BABAM1: variants seen among roughly 807,000 people sequenced by gnomAD.
BABAM1 encodes BRISC and BRCA1 A complex member 1, also known as BRISC and BRCA1-A complex member 1.
A neutral mutation model predicts 34.4 loss-of-function variants in BABAM1; 14 were observed. The ratio of observed to expected loss-of-function variants is 0.41; its 90% CI spans 0.27 to 0.64. BABAM1 has a LOEUF of 0.64. Among genes scored for constraint, BABAM1 ranks in the 30% least tolerant of loss-of-function variants. BABAM1 has a pLI of 0.34. For missense variants in BABAM1, 393 were observed against 434.0 expected (o/e 0.91, Z 0.84); for synonymous variants, 169 against 165.8 (o/e 1.02, Z -0.15).
intron 8 of BABAM1, 45 bp downstream of exon 8, chr19:17,276,954 G>C (rs761679995): frequency 6.6e-7 from 1 of 1,518,716 alleles, no homozygotes; most frequent in Non-Finnish European, 8.9e-7. Flanking sequence ...GTGTGGACAG[G>C]ATGTCTTGGA....
At chr19:17,278,508 A>G (rs1319195640) in intron 8 of BABAM1, among the ~76,000 whole-genome samples, 2 of 151,766 alleles carry the variant, frequency 1.3e-5, no homozygotes, top group African/African-American at 4.8e-5. Flanking sequence ...ACGGGGTTTC[A>G]CTGTGTTAGC....
intron 5 of BABAM1, 146 bp from the exon 6 acceptor site, chr19:17,275,655 G>T (rs74758437): frequency 0.086 from 79,765 of 923,210 alleles, 4,169 homozygotes; most frequent in Non-Finnish European, 0.11. Context: ...AGGGGAATTT[G>T]TGTGTCAGAG....
intron 8 of BABAM1, 97 bp from the exon 9 acceptor site, chr19:17,278,748 A>G: frequency 8.2e-7 from 1 of 1,218,608 alleles, no homozygotes; most frequent in East Asian, 2.5e-5. Context: ...CCCACCCCAG[A>G]TGTCCCCTCT....
In BABAM1 at chr19:17,269,078, G is replaced by C; in HGVS notation, c.272G>C (p.Cys91Ser). ...EVQIRTPRVN[C>S]PEKVIICLDL... ...CAAATTCGGACACCAAGGGTCAACT[G>C]TCCAGAGAAAGTGGTAAGTAGAGGG... is the stretch of plus-strand genomic sequence containing the variant. Residue 91 changes from cysteine (C) to serine (S), a missense_variant, in exon 2 of 9, where the codon TGT becomes TCT. Cys to Ser is a moderately radical substitution (Grantham distance 112). Coordinates refer to ENST00000598188, the MANE Select transcript of BABAM1 (RefSeq NM_014173.4). The C allele has an allele frequency of 6.2e-7, 1 of 1,605,830 alleles. No homozygotes were observed. Among genetic ancestry groups the C allele is most frequent in the Non-Finnish European group, 8.5e-7 (1 of 1,176,156 alleles).
chr19:17,271,291 A>C (rs1177568358), intron 2 of BABAM1, among the ~76,000 whole-genome samples: 7 of 152,262 alleles, frequency 4.6e-5, no homozygotes, highest in Admixed American at 2.0e-4. Context: ...TGCCAGGCCA[A>C]ATAAGGTCAC....
At position 17,268,780 on chromosome 19, in the gene BABAM1, C is replaced by T. The variant is rs778959392; in HGVS notation, c.-13-14C>T. 19 of 1,570,722 alleles carry T rather than the reference C, an allele frequency of 1.2e-5. No homozygotes were observed. The highest frequency in any genetic ancestry group is 1.5e-5 in the Non-Finnish European group (17 of 1,157,514). ...GGGGAGGATTCTGGCTTCCCCTGTC[C>T]GTGTTCCATCTAGCCACACAGGAGC... On this transcript the variant is annotated splice_polypyrimidine_tract_variant and intron_variant, in intron 1 of 8. Transcript: ENST00000598188.
At chr19:17,269,238 AATT>A in intron 2 of BABAM1, 147 bp downstream of exon 2, 1 of 1,093,514 alleles carries the variant, frequency 9.1e-7, no homozygotes, top group Non-Finnish European at 1.3e-6. Context: ...CAACAAGAGA[AATT>A]TATTCTCTCA....
chr19:17,274,706 T>G (rs973891008), intron 5 of BABAM1: 2 of 156,150 alleles, frequency 1.3e-5, no homozygotes, highest in Non-Finnish European at 2.8e-5. Flanking sequence ...AGTGTCACCA[T>G]TGTTCCTACA....
intron 2 of BABAM1, among the ~76,000 whole-genome samples, chr19:17,269,653 T>G (rs1479544160): frequency 2.6e-5 from 4 of 152,076 alleles, no homozygotes; most frequent in Non-Finnish European, 4.4e-5. Flanking sequence ...GCCTGACCCT[T>G]TCTTGCCTTT....
Position 17,267,532 on chromosome 19 carries a change from G to A in BABAM1, c.-14+5G>A, listed in dbSNP as rs1353212353. 6.6e-6 allele frequency: 1 copy of A among 152,224 alleles called. No individual in the cohort carries two copies. Among genetic ancestry groups the A allele is most frequent in the South Asian group, 2.1e-4 (1 of 4,830 alleles). 9.4% of individuals were successfully genotyped at this position (152,224 alleles called of 1,614,324 possible). On this transcript the variant is annotated splice_donor_5th_base_variant and intron_variant, in intron 1 of 8. Coordinates refer to ENST00000598188, the MANE Select transcript of BABAM1 (RefSeq NM_014173.4). ...TCAGGCTACGGTGAGCCGAAGGTGG[G>A]TGGTGAAAGCGTGTGGGGCCCGTTC...
At chr19:17,275,958 T>C in intron 6 of BABAM1, 133 bp downstream of exon 6, 1 of 993,626 alleles carries the variant, frequency 1.0e-6, no homozygotes, top group Non-Finnish European at 1.5e-6. Context: ...CCCGAGCAAT[T>C]CCTCATTTAT....
At chr19:17,274,775 G>A (rs150475225) in intron 5 of BABAM1, among the ~76,000 whole-genome samples, 242 of 152,226 alleles carry the variant, frequency 1.6e-3, no homozygotes, top group African/African-American at 5.7e-3. Context: ...AGGCTCATGT[G>A]TGGCCCAAAA....
intron 5 of BABAM1, 68 bp from the exon 6 acceptor site, chr19:17,275,733 G>A (rs780546643): frequency 1.2e-6 from 2 of 1,605,368 alleles, no homozygotes; most frequent in Admixed American, 3.3e-5. Flanking sequence ...CTGGTATCGG[G>A]ATCGGGGAAG....
At chr19:17,270,445 T>A (rs1002986372) in intron 2 of BABAM1, among the ~76,000 whole-genome samples, 6 of 152,132 alleles carry the variant, frequency 3.9e-5, no homozygotes, top group Non-Finnish European at 8.8e-5. Flanking sequence ...AGGACACTTG[T>A]CATCAAAACA....
chr19:17,271,938 T>C (rs1218462997), intron 3 of BABAM1, among the ~76,000 whole-genome samples: 4 of 152,090 alleles, frequency 2.6e-5, no homozygotes, highest in African/African-American at 9.7e-5. Flanking sequence ...TGTGTATGTA[T>C]GTATGTATTT....
Position 17,274,205 on chromosome 19 carries a change from T to G in BABAM1, c.544+20T>G. 1.2e-6 allele frequency: 2 copies of G among 1,610,544 alleles called. No individual in the cohort carries two copies. The highest frequency in any genetic ancestry group is 1.7e-6 in the Non-Finnish European group (2 of 1,178,736). ...CCTTCAGTATCCTTCCTGGCAGAGA[T>G]GTCCCCATGAAGGGGGCTGTCTCCT... On this transcript the variant is annotated intron_variant, in intron 5 of 8. Transcript: ENST00000598188.
At chr19:17,272,111 T>G (rs762007916) in intron 3 of BABAM1, among the ~76,000 whole-genome samples, 6 of 152,074 alleles carry the variant, frequency 3.9e-5, no homozygotes, top group Non-Finnish European at 7.4e-5. Flanking sequence ...CGTTTAATTT[T>G]TGTATTTTTA....
chr19:17,268,726 A>G (rs2145608312), intron 1 of BABAM1, 68 bp from the exon 2 acceptor site: 1 of 1,454,360 alleles, frequency 6.9e-7, no homozygotes, highest in Non-Finnish European at 9.1e-7. Context: ...ACCGTGCCCG[A>G]CCGTAACCAA....
intron 6 of BABAM1, 27 bp from the exon 7 acceptor site, chr19:17,276,468 G>C: frequency 6.3e-6 from 10 of 1,578,826 alleles, no homozygotes; most frequent in Non-Finnish European, 8.6e-6. Flanking sequence ...AGGCTGCTCT[G>C]ACTGCTCCCT....
Sources: allele counts gnomAD v4.1 joint callset (sites outside exome capture counted in the v4.1 genomes callset), GRCh38; gene constraint gnomAD v4.1.1; transcripts MANE v1.5; gene names NCBI Gene and HGNC (gene_info 2026-07-23, HGNC 2026-07-21).